CCSER1: variants seen among roughly 807,000 people sequenced by gnomAD.
CCSER1 encodes the protein serine-rich coiled-coil domain-containing protein 1.
Under a neutral mutation model 82.0 loss-of-function variants are expected in CCSER1, and 41 were observed. The observed-to-expected ratio is 0.50, with a 90% CI of 0.39 to 0.65. CCSER1 has a LOEUF of 0.65. Ranked by LOEUF, CCSER1 falls within the 30% of genes least tolerant of loss-of-function variation. The pLI is 0.00. For missense variants in CCSER1, 1,119 were observed against 1,064.2 expected (o/e 1.05, Z -0.72); for synonymous variants, 414 against 383.9 (o/e 1.08, Z -0.92).
chr4:91,140,710 T>C (rs954397353), intron 10 of CCSER1, among the ~76,000 whole-genome samples: 7 of 152,228 alleles, frequency 4.6e-5, no homozygotes, highest in Admixed American at 6.5e-5. Flanking sequence ...CTGATTGCTT[T>C]TGATGCCTAA....
chr4:90,285,756 A>G (rs939878030), intron 1 of CCSER1, among the ~76,000 whole-genome samples: 2 of 151,968 alleles, frequency 1.3e-5, no homozygotes, highest in African/African-American at 2.4e-5. Context: ...TTCCCATTTA[A>G]TACATAGCTA....
chr4:90,300,462 G>A (rs990364185), intron 1 of CCSER1, among the ~76,000 whole-genome samples: 3 of 152,216 alleles, frequency 2.0e-5, no homozygotes, highest in East Asian at 3.9e-4. Flanking sequence ...TATTATTGAT[G>A]TTCCAGTTTA....
intron 10 of CCSER1, among the ~76,000 whole-genome samples, chr4:91,135,954 G>A (rs1581622279): frequency 1.3e-5 from 2 of 152,170 alleles, no homozygotes; most frequent in East Asian, 3.9e-4. Context: ...AACTGCTGGG[G>A]TAATGACATA....
intron 5 of CCSER1, among the ~76,000 whole-genome samples, chr4:90,611,037 C>T (rs1785406023): frequency 7.7e-6 from 1 of 129,762 alleles, no homozygotes; most frequent in African/African-American, 3.4e-5. Flanking sequence ...GCCACCATGC[C>T]TGGCTAATTT....
intron 8 of CCSER1, among the ~76,000 whole-genome samples, chr4:90,854,181 A>C (rs2149948549): frequency 6.6e-6 from 1 of 152,316 alleles, no homozygotes; most frequent in Non-Finnish European, 1.5e-5. Flanking sequence ...ATTTTCAAAT[A>C]CGATGGTAAT....
chr4:90,322,593 T>C (rs1737367676), intron 3 of CCSER1, among the ~76,000 whole-genome samples: 1 of 152,246 alleles, frequency 6.6e-6, no homozygotes, highest in South Asian at 2.1e-4. Flanking sequence ...TTAACAATAT[T>C]GATTTTTCAG....
intron 5 of CCSER1, among the ~76,000 whole-genome samples, chr4:90,487,586 G>C (rs910454779): frequency 6.6e-6 from 1 of 152,176 alleles, no homozygotes; most frequent in Non-Finnish European, 1.5e-5. Flanking sequence ...TTCTAAAAGG[G>C]CCTCAATAAG....
chr4:90,158,046 G>A (rs1432933426), intron 1 of CCSER1, among the ~76,000 whole-genome samples: 1 of 152,074 alleles, frequency 6.6e-6, no homozygotes, highest in Non-Finnish European at 1.5e-5. Flanking sequence ...GTACAGATGG[G>A]TTTTTGGTGT....
At position 90,923,355 on chromosome 4, in the gene CCSER1, T is replaced by C. The variant is rs1299500291; in HGVS notation, c.2095-15T>C. The C allele has an allele frequency of 8.4e-6, 13 of 1,546,856 alleles. No homozygotes were observed. The highest frequency in any genetic ancestry group is 1.1e-5 in the Non-Finnish European group (13 of 1,142,732). ...CTCACCAACAATGTGTTGTTGCTGTTTTTTCATTTTGCAGGGAAAAGTCCG... is the reference window on the plus strand; with the variant it reads ...CTCACCAACAATGTGTTGTTGCTGTCTTTTCATTTTGCAGGGAAAAGTCCG... On this transcript the variant is annotated splice_polypyrimidine_tract_variant and intron_variant, in intron 8 of 10. Coordinates refer to ENST00000509176, the MANE Select transcript of CCSER1 (RefSeq NM_001145065.2).
chr4:91,330,719 C>T (rs972289358), intron 10 of CCSER1, among the ~76,000 whole-genome samples: 2 of 152,144 alleles, frequency 1.3e-5, no homozygotes, highest in Non-Finnish European at 2.9e-5. Flanking sequence ...CTTTTAGGTA[C>T]TTTACTTTCT....
intron 5 of CCSER1, among the ~76,000 whole-genome samples, chr4:90,538,850 T>C (rs1432703361): frequency 2.0e-5 from 3 of 152,108 alleles, no homozygotes; most frequent in Admixed American, 6.6e-5. Context: ...CTTTGTGAAC[T>C]GAATCATTCA....
chr4:90,165,049 T>C (rs1338254109), intron 1 of CCSER1, among the ~76,000 whole-genome samples: 2 of 152,128 alleles, frequency 1.3e-5, no homozygotes, highest in African/African-American at 4.8e-5. Context: ...TCTATCTTTT[T>C]CTGGATTCTA....
rs550352140 is a variant in CCSER1 at position 90,420,271 on chromosome 4, AC to A, written c.1603+20143del. Among the ~76,000 whole-genome samples the A allele has an allele frequency of 1.7e-3, 263 of 152,148 alleles. 1 individual carries two copies. The highest frequency in any genetic ancestry group is 5.6e-3 in the African/African-American group (232 of 41,560). ...ATTGAACTTATTAATTAAAATAGTA[AC>A]ATTCACCTGGGTGCACTCTTTTCAT... On this transcript the variant is annotated intron_variant, in intron 4 of 10. Transcript: ENST00000509176.
chr4:91,144,505 T>C (rs1729358653), intron 10 of CCSER1, among the ~76,000 whole-genome samples: 1 of 151,974 alleles, frequency 6.6e-6, no homozygotes, highest in African/African-American at 2.4e-5. Flanking sequence ...ATGGTACCTT[T>C]GGGGCTAGTT....
intron 10 of CCSER1, among the ~76,000 whole-genome samples, chr4:91,113,692 G>A (rs1348474264): frequency 6.6e-6 from 1 of 152,092 alleles, no homozygotes; most frequent in Non-Finnish European, 1.5e-5. Context: ...TTTGAGTTAA[G>A]AGTCAGTGAC....
intron 1 of CCSER1, among the ~76,000 whole-genome samples, chr4:90,182,010 C>G (rs762499501): frequency 6.6e-6 from 1 of 151,856 alleles, no homozygotes; most frequent in Non-Finnish European, 1.5e-5. Flanking sequence ...GTTAGTTGTA[C>G]GTAGAGGCTG....
intron 10 of CCSER1, among the ~76,000 whole-genome samples, chr4:91,270,294 T>C (rs1383009053): frequency 6.6e-6 from 1 of 152,136 alleles, no homozygotes; most frequent in Non-Finnish European, 1.5e-5. Context: ...TATTTTAACA[T>C]TTTTCCTAGG....
chr4:91,079,242 A>C (rs537754862), intron 9 of CCSER1, among the ~76,000 whole-genome samples: 1 of 152,124 alleles, frequency 6.6e-6, no homozygotes, highest in Non-Finnish European at 1.5e-5. Context: ...GAAACTCTAC[A>C]CACCAGAAGA....
Position 91,078,591 on chromosome 4 carries a change from G to A in CCSER1, c.2173-7359G>A, listed in dbSNP as rs58970915. On this transcript the variant is annotated intron_variant, in intron 9 of 10. Transcript: ENST00000509176. ...GGACAGAGAATGACTTTGATGAGTC[G>A]AGAGAAGAAGGCTTCAGAAGACTGG... is the stretch of plus-strand genomic sequence containing the variant. 4.7e-3 allele frequency among the ~76,000 whole-genome samples: 712 copies of A among 152,322 alleles called. 8 individuals are homozygous for A. Among genetic ancestry groups the A allele is most frequent in the African/African-American group, 0.016 (657 of 41,564 alleles).
Sources: gnomAD v4.1 joint callset for allele counts (sites outside exome capture counted in the v4.1 genomes callset) on GRCh38, gnomAD v4.1.1 for gene constraint, MANE v1.5 for transcripts, NCBI Gene and HGNC (gene_info 2026-07-23, HGNC 2026-07-21) for gene names.